The following IFT74 variants were observed in gnomAD, a reference collection of about 807,000 sequenced individuals.
IFT74 encodes the protein intraflagellar transport 74, also known as intraflagellar transport protein 74 homolog.
A neutral mutation model predicts 96.7 loss-of-function variants in IFT74; 92 were observed. The ratio of observed to expected loss-of-function variants is 0.95; its 90% CI spans 0.80 to 1.13. The LOEUF (loss-of-function observed/expected upper bound fraction) is 1.13. IFT74 is among the 50% of genes most tolerant of loss of function. The pLI is 0.00. For missense variants in IFT74, 811 were observed against 698.2 expected (o/e 1.16, Z -1.82); for synonymous variants, 223 against 213.2 (o/e 1.05, Z -0.40).
At chr9:26,973,021 G>A (rs943204348) in intron 2 of IFT74, among the ~76,000 whole-genome samples, 1 of 152,272 alleles carries the variant, frequency 6.6e-6, no homozygotes, top group African/African-American at 2.4e-5. Context: ...GACGTTAGGG[G>A]AGTCTGTAAA....
intron 1 of IFT74, among the ~76,000 whole-genome samples, chr9:26,948,448 A>ATTATTTTTTTTTTTTTTTTTTTTTT (rs1825819541): frequency 8.5e-5 from 5 of 59,166 alleles, no homozygotes; most frequent in Non-Finnish European, 1.2e-4. Flanking sequence ...GCTTTCCATT[A>ATTATTTTTTTTTTTTTTTTTTTTTT]TTTTTTTTTT....
At chr9:27,060,506 GA>G (rs1564010547) in intron 18 of IFT74, 84 bp from the exon 19 acceptor site, 8 of 776,756 alleles carry the variant, frequency 1.0e-5, no homozygotes, top group African/African-American at 3.6e-5. Context: ...AAGTTGGAGA[GA>G]TTTTTTTTGT....
At chr9:27,008,649 C>T (rs763624891) in intron 8 of IFT74, among the ~76,000 whole-genome samples, 2 of 151,996 alleles carry the variant, frequency 1.3e-5, no homozygotes, top group Non-Finnish European at 2.9e-5. Context: ...CGTGAGCCAC[C>T]GAGCGCAGCC....
At chr9:27,019,439 C>T (rs1455376919) in intron 12 of IFT74, among the ~76,000 whole-genome samples, 1 of 151,924 alleles carries the variant, frequency 6.6e-6, no homozygotes, top group Admixed American at 6.6e-5. Flanking sequence ...GCCTTGCTTT[C>T]TCGAAGATCA....
intron 1 of IFT74, among the ~76,000 whole-genome samples, chr9:26,948,608 A>G (rs1296275582): frequency 6.6e-6 from 1 of 151,458 alleles, no homozygotes; most frequent in Non-Finnish European, 1.5e-5. Flanking sequence ...CTGGGACTAC[A>G]GGAGCGCGCC....
intron 3 of IFT74, among the ~76,000 whole-genome samples, chr9:26,979,880 T>G (rs1361335920): frequency 2.0e-5 from 3 of 151,664 alleles, no homozygotes; most frequent in Non-Finnish European, 2.9e-5. Context: ...GCCCAGCTAA[T>G]TTTTTTGTAT....
At chr9:26,995,401 G>A (rs1689531262) in intron 8 of IFT74, 2 of 626,776 alleles carry the variant, frequency 3.2e-6, no homozygotes, top group Non-Finnish European at 5.6e-6. Context: ...TGATATTCAT[G>A]TATGTTGTCA....
At position 27,064,051 on chromosome 9, in the gene IFT74, C is replaced by T. The variant is rs571668735; in HGVS notation, c.*1315C>T. On this transcript the variant is annotated 3_prime_UTR_variant, in exon 20 of 20. Coordinates refer to ENST00000380062, the MANE Select transcript of IFT74 (RefSeq NM_025103.4). ...TATTTTTTCTTGACTGCTCATAACCCTTAATATGCTAATGTATAATAAGCT... is the reference window on the plus strand; with the variant it reads ...TATTTTTTCTTGACTGCTCATAACCTTTAATATGCTAATGTATAATAAGCT... Among the ~76,000 whole-genome samples, 7 of 152,190 alleles carry T rather than the reference C, an allele frequency of 4.6e-5. No individual in the cohort carries two copies. Among genetic ancestry groups the T allele is most frequent in the Non-Finnish European group, 1.0e-4 (7 of 67,964 alleles).
chr9:27,026,674 TA>T (rs907293455), intron 12 of IFT74, among the ~76,000 whole-genome samples: 31 of 152,170 alleles, frequency 2.0e-4, no homozygotes, highest in African/African-American at 6.8e-4. Flanking sequence ...AAAGGAACCT[TA>T]AAAACCATGC....
chr9:26,975,915 A>G (rs1482295348), intron 2 of IFT74, among the ~76,000 whole-genome samples: 1 of 152,208 alleles, frequency 6.6e-6, no homozygotes. Flanking sequence ...GATCTGCCAC[A>G]TGAGGTGACC....
intron 1 of IFT74, among the ~76,000 whole-genome samples, chr9:26,951,402 T>A (rs1345887562): frequency 6.6e-6 from 1 of 152,144 alleles, no homozygotes; most frequent in Non-Finnish European, 1.5e-5. Context: ...TTTTTTTAAC[T>A]AAAATTCGCC....
In IFT74 at chr9:27,047,306, C is replaced by G; in HGVS notation, c.1141C>G (p.Gln381Glu). The change falls in exon 15 of 20, where the codon CAG (glutamine) becomes GAG (glutamate). Residue 381 changes from glutamine (Q) to glutamate (E), a missense_variant. Physicochemically the swap from Gln to Glu is conservative, Grantham distance 29. Coordinates refer to ENST00000380062, the MANE Select transcript of IFT74 (RefSeq NM_025103.4). Reference sequence around the variant, plus strand: ...TGAGACTTTTGAGGAAACAAAGAATCAGGAACTGAAACGAAAGGCACAGAT... The same window carrying G: ...TGAGACTTTTGAGGAAACAAAGAATGAGGAACTGAAACGAAAGGCACAGAT... ...FIETFEETKN[Q>E]ELKRKAQIEA... 1.2e-6 allele frequency: 2 copies of G among 1,612,860 alleles called. No individual in the cohort carries two copies. Among genetic ancestry groups the G allele is most frequent in the Non-Finnish European group, 1.7e-6 (2 of 1,179,134 alleles).
chr9:26,962,951 T>A (rs1200474987), intron 2 of IFT74, among the ~76,000 whole-genome samples: 3 of 151,820 alleles, frequency 2.0e-5, no homozygotes, highest in Non-Finnish European at 4.4e-5. Flanking sequence ...TTTTTTTCTT[T>A]TTTTTATTTT....
intron 9 of IFT74, among the ~76,000 whole-genome samples, chr9:27,010,734 C>G (rs1259744860): frequency 6.6e-6 from 1 of 151,944 alleles, no homozygotes; most frequent in Non-Finnish European, 1.5e-5. Context: ...TCCCAAAGTG[C>G]TGGTATTACA....
chr9:27,065,645 G>T lies in IFT74; in HGVS notation c.*2909G>T, dbSNP rs1820582593. ...TGCCTGCTTAGAGGATTACAGCATG[G>T]AGTAATCATATTCACACCAGAGATG... On this transcript the variant is annotated 3_prime_UTR_variant, in exon 20 of 20. Coordinates refer to ENST00000380062, the MANE Select transcript of IFT74 (RefSeq NM_025103.4). Among the ~76,000 whole-genome samples, 3 of 152,066 alleles carry T rather than the reference G, an allele frequency of 2.0e-5. No homozygotes were observed. Among genetic ancestry groups the T allele is most frequent in the Admixed American group, 6.6e-5 (1 of 15,266 alleles).
At chr9:27,005,592 CT>C (rs1200132623) in intron 8 of IFT74, 2 of 151,404 alleles carry the variant, frequency 1.3e-5, no homozygotes, top group Non-Finnish European at 2.9e-5. Context: ...CATATCTTAC[CT>C]TTTTTTCTTT....
At chr9:26,980,356 C>G (rs1296598220) in intron 3 of IFT74, among the ~76,000 whole-genome samples, 1 of 152,170 alleles carries the variant, frequency 6.6e-6, no homozygotes, top group East Asian at 1.9e-4. Flanking sequence ...AGCCCCACCT[C>G]TAGTCCCATC....
chr9:27,004,468 A>C (rs1397413481), intron 8 of IFT74, among the ~76,000 whole-genome samples: 1 of 152,246 alleles, frequency 6.6e-6, no homozygotes, highest in Non-Finnish European at 1.5e-5. Context: ...CAGAGGAGAA[A>C]GATTGAAAGA....
rs193086967 is a variant in IFT74 at position 27,057,107 on chromosome 9, G to C, written c.1623+648G>C. On this transcript the variant is annotated intron_variant, in intron 18 of 19. Transcript: ENST00000380062. ...AATGATATTCTAGTGCATGGATGTC[G>C]CATAATATATTGAACCAATTCCCTT... Among the ~76,000 whole-genome samples, 3 of 151,872 alleles carry C rather than the reference G, an allele frequency of 2.0e-5. No homozygotes were observed. The South Asian group carries it at 6.2e-4, about 32-fold the overall frequency.
Sources: gnomAD v4.1 joint callset for allele counts (sites outside exome capture counted in the v4.1 genomes callset) on GRCh38, gnomAD v4.1.1 for gene constraint, MANE v1.5 for transcripts, NCBI Gene and HGNC (gene_info 2026-07-23, HGNC 2026-07-21) for gene names.